Variants in PTPRM observed in about 807,000 individuals in gnomAD.
PTPRM encodes the protein receptor-type tyrosine-protein phosphatase mu.
In PTPRM, 47 loss-of-function variants were observed where a neutral mutation model predicts 186.7. The ratio of observed to expected loss-of-function variants is 0.25; its 90% CI spans 0.20 to 0.32. The LOEUF is 0.32. Among genes scored for constraint, PTPRM ranks in the 10% least tolerant of loss-of-function variants. The pLI is 1.00. For missense variants in PTPRM, 1,494 were observed against 1,865.0 expected (o/e 0.80, Z 3.66); for synonymous variants, 668 against 674.9 (o/e 0.99, Z 0.16).
At chr18:8,325,054 A>G (rs1405061083) in intron 22 of PTPRM, among the ~76,000 whole-genome samples, 2 of 151,978 alleles carry the variant, frequency 1.3e-5, no homozygotes, top group Non-Finnish European at 2.9e-5. Context: ...TCAACCCCCA[A>G]CCCTGGTTCC....
rs370645353 is a variant in PTPRM, at chr18:8,069,953, G to T, written c.1400G>T (p.Arg467Leu). ...VKLILMNPEG[R>L]KESQELIVQT... is the part of the protein sequence containing the mutation. ...CTGATCCTCATGAACCCAGAGGGCC[G>T]GAAGGAAAGCCAAGAACTCATAGTG... Residue 467 changes from arginine to leucine, a missense_variant, in exon 8 of 33, where the codon CGG becomes CTG. Arg to Leu is a moderately radical substitution (Grantham distance 102, BLOSUM62 -2). Transcript: ENST00000580170. 9.3e-6 allele frequency: 15 copies of T among 1,613,820 alleles called. No homozygotes were observed. Among genetic ancestry groups the T allele is most frequent in the Non-Finnish European group, 1.2e-5 (14 of 1,179,894 alleles).
chr18:8,131,200 T>C (rs2092496529), intron 13 of PTPRM, among the ~76,000 whole-genome samples: 1 of 152,194 alleles, frequency 6.6e-6, no homozygotes, highest in African/African-American at 2.4e-5. Context: ...TAGGGTATTA[T>C]TTACTTGAAC....
chr18:8,243,018 C>CTT (rs2094445938), intron 14 of PTPRM, among the ~76,000 whole-genome samples: 1 of 152,198 alleles, frequency 6.6e-6, no homozygotes, highest in East Asian at 1.9e-4. Flanking sequence ...GTTCTTAAAC[C>CTT]TTCTCACTGT....
At chr18:7,884,456 T>C (rs1375376780) in intron 2 of PTPRM, among the ~76,000 whole-genome samples, 5 of 152,086 alleles carry the variant, frequency 3.3e-5, no homozygotes, top group Non-Finnish European at 7.4e-5. Flanking sequence ...TCCAGATCAG[T>C]TGGGAGAGAC....
intron 7 of PTPRM, among the ~76,000 whole-genome samples, chr18:7,955,674 G>A (rs1488597031): frequency 2.0e-5 from 3 of 152,052 alleles, no homozygotes; most frequent in African/African-American, 7.2e-5. Context: ...GTACCACATT[G>A]TTCATATAGG....
At chr18:8,317,410 A>G (rs2095316583) in intron 21 of PTPRM, among the ~76,000 whole-genome samples, 1 of 152,068 alleles carries the variant, frequency 6.6e-6, no homozygotes. Context: ...AATATATATT[A>G]GACCTCCCAG....
chr18:8,083,399 T>C (rs1160844450), intron 9 of PTPRM, among the ~76,000 whole-genome samples: 1 of 152,136 alleles, frequency 6.6e-6, no homozygotes, highest in Non-Finnish European at 1.5e-5. Context: ...ACTGCCTTAG[T>C]TCCTACTGTT....
intron 1 of PTPRM, among the ~76,000 whole-genome samples, chr18:7,575,678 G>A (rs1260593134): frequency 1.3e-5 from 2 of 152,180 alleles, no homozygotes; most frequent in Non-Finnish European, 2.9e-5. Flanking sequence ...GGGCCTTCTT[G>A]TAGTAGACCA....
chr18:7,681,400 T>C (rs190704377), intron 1 of PTPRM, among the ~76,000 whole-genome samples: 1 of 152,256 alleles, frequency 6.6e-6, no homozygotes, highest in East Asian at 1.9e-4. Flanking sequence ...GCACTTTTTC[T>C]TAATGAGCAA....
intron 1 of PTPRM, among the ~76,000 whole-genome samples, chr18:7,678,536 AC>A (rs1810865741): frequency 6.6e-6 from 1 of 152,158 alleles, no homozygotes; most frequent in Non-Finnish European, 1.5e-5. Context: ...TCAGAGGACC[AC>A]TGGGCGTGTG....
At chr18:8,022,380 A>G (rs868323844) in intron 7 of PTPRM, among the ~76,000 whole-genome samples, 24 of 152,324 alleles carry the variant, frequency 1.6e-4, no homozygotes, top group African/African-American at 5.8e-4. Context: ...TGAGCTGTTT[A>G]GGGTGCTCCA....
chr18:7,625,834 C>A (rs1182181836), intron 1 of PTPRM, among the ~76,000 whole-genome samples: 1 of 152,186 alleles, frequency 6.6e-6, no homozygotes, highest in Non-Finnish European at 1.5e-5. Flanking sequence ...AGCGCCTGGC[C>A]AAGGGGGTTT....
intron 7 of PTPRM, among the ~76,000 whole-genome samples, chr18:8,067,149 T>C (rs573034436): frequency 6.3e-4 from 96 of 152,338 alleles, no homozygotes; most frequent in African/African-American, 2.2e-3. Context: ...GTAAAATTGA[T>C]GAAAACCTTA....
chr18:7,613,327 T>C (rs1260761292), intron 1 of PTPRM, among the ~76,000 whole-genome samples: 1 of 152,174 alleles, frequency 6.6e-6, no homozygotes, highest in Non-Finnish European at 1.5e-5. Context: ...TGTTCCCCTT[T>C]TTCATACAGT....
chr18:7,857,209 T>A (rs2047139756), intron 2 of PTPRM, among the ~76,000 whole-genome samples: 2 of 152,054 alleles, frequency 1.3e-5, no homozygotes, highest in South Asian at 4.1e-4. Flanking sequence ...TCACATTCAG[T>A]AGGTAGGCTG....
chr18:7,869,608 G>A (rs1402167433), intron 2 of PTPRM, among the ~76,000 whole-genome samples: 3 of 152,110 alleles, frequency 2.0e-5, no homozygotes, highest in Admixed American at 6.5e-5. Context: ...TGTTGATCTC[G>A]CTGGAAGCTG....
intron 23 of PTPRM, among the ~76,000 whole-genome samples, chr18:8,358,293 GCA>G (rs200825753): frequency 1.2e-3 from 180 of 147,680 alleles, no homozygotes; most frequent in African/African-American, 3.8e-3. Context: ...ACTTGGACAT[GCA>G]CACACACACA....
intron 14 of PTPRM, among the ~76,000 whole-genome samples, chr18:8,193,552 AGCCTGTG>A (rs2093735883): frequency 6.6e-6 from 1 of 152,228 alleles, no homozygotes; most frequent in African/African-American, 2.4e-5. Flanking sequence ...ACTGTCCTGT[AGCCTGTG>A]GCCAGATGCC....
chr18:7,713,207 GC>G (rs1049437557), intron 1 of PTPRM, among the ~76,000 whole-genome samples: 17 of 152,132 alleles, frequency 1.1e-4, no homozygotes, highest in Non-Finnish European at 1.3e-4. Context: ...GAGGGTGGGG[GC>G]CAATATTCAA....
Sources: allele counts gnomAD v4.1 joint callset (sites outside exome capture counted in the v4.1 genomes callset), GRCh38; gene constraint gnomAD v4.1.1; transcripts MANE v1.5; gene names NCBI Gene and HGNC (gene_info 2026-07-23, HGNC 2026-07-21).